GPATCH2: variants seen among roughly 807,000 people sequenced by gnomAD.
GPATCH2 encodes the protein G patch domain-containing protein 2.
GPATCH2 carries 51 observed loss-of-function variants against 58.0 expected under a neutral mutation model. The ratio of observed to expected loss-of-function variants is 0.88; its 90% CI spans 0.70 to 1.11. GPATCH2 has a LOEUF of 1.11. GPATCH2 is among the 50% of genes most tolerant of loss of function. The probability of loss-of-function intolerance (pLI) is 0.00; values close to 1 mark genes in which losing one functional copy is unlikely to be tolerated. For missense variants in GPATCH2, 625 were observed against 652.2 expected (o/e 0.96, Z 0.45); for synonymous variants, 222 against 218.5 (o/e 1.02, Z -0.14).
chr1:217,445,361 C>G (rs1435965799), intron 9 of GPATCH2, among the ~76,000 whole-genome samples: 1 of 152,090 alleles, frequency 6.6e-6, no homozygotes, highest in African/African-American at 2.4e-5. Context: ...AATCTTTTTA[C>G]TATTAAATCC....
At chr1:217,618,287 G>A (rs1022391077) in intron 2 of GPATCH2, among the ~76,000 whole-genome samples, 1 of 141,744 alleles carries the variant, frequency 7.1e-6, no homozygotes, top group Non-Finnish European at 1.5e-5. Context: ...TTGGATGTCT[G>A]TAATCTCCGC....
At chr1:217,530,994 T>C (rs1664158710) in intron 5 of GPATCH2, among the ~76,000 whole-genome samples, 1 of 151,968 alleles carries the variant, frequency 6.6e-6, no homozygotes, top group South Asian at 2.1e-4. Flanking sequence ...TGGTATTCAG[T>C]TGTTGGAAGA....
intron 5 of GPATCH2, among the ~76,000 whole-genome samples, chr1:217,543,519 T>C (rs763131210): frequency 6.6e-6 from 1 of 152,162 alleles, no homozygotes; most frequent in South Asian, 2.1e-4. Flanking sequence ...TCTGCCCGTC[T>C]CGGCCTCCCA....
At chr1:217,497,195 G>A (rs536121198) in intron 7 of GPATCH2, among the ~76,000 whole-genome samples, 15 of 152,084 alleles carry the variant, frequency 9.9e-5, no homozygotes, top group Admixed American at 5.9e-4. Context: ...TACTAAAAGC[G>A]GAATATTATT....
chr1:217,470,424 T>C (rs145934543), intron 8 of GPATCH2, among the ~76,000 whole-genome samples: 23 of 152,322 alleles, frequency 1.5e-4, no homozygotes, highest in African/African-American at 5.5e-4. Flanking sequence ...TTTGTTTTTG[T>C]TTTATTTACC....
chr1:217,515,868 T>C (rs1177145410), intron 5 of GPATCH2, among the ~76,000 whole-genome samples: 2 of 151,358 alleles, frequency 1.3e-5, no homozygotes, highest in Non-Finnish European at 2.9e-5. Context: ...TGTAGCTAGA[T>C]CCTAAATATA....
At chr1:217,543,367 T>C (rs951879593) in intron 5 of GPATCH2, among the ~76,000 whole-genome samples, 1 of 151,240 alleles carries the variant, frequency 6.6e-6, no homozygotes, top group African/African-American at 2.4e-5. Flanking sequence ...CCTCCCAGGT[T>C]CACGCCATTC....
At chr1:217,519,946 T>C (rs1434368517) in intron 5 of GPATCH2, among the ~76,000 whole-genome samples, 1 of 152,246 alleles carries the variant, frequency 6.6e-6, no homozygotes, top group Non-Finnish European at 1.5e-5. Context: ...AGTCAAGTTA[T>C]AGAACTCCTC....
At chr1:217,521,826 G>T (rs1663476088) in intron 5 of GPATCH2, among the ~76,000 whole-genome samples, 1 of 152,132 alleles carries the variant, frequency 6.6e-6, no homozygotes, top group Non-Finnish European at 1.5e-5. Context: ...AAACCATAGA[G>T]AAGTACAAGG....
chr1:217,620,879 C>CCT (rs781199641), intron 1 of GPATCH2, among the ~76,000 whole-genome samples: 6 of 152,178 alleles, frequency 3.9e-5, no homozygotes, highest in Non-Finnish European at 8.8e-5. Flanking sequence ...TTCTCAGTCC[C>CCT]CTCTTCGCCC....
chr1:217,459,315 C>T lies in GPATCH2; in HGVS notation c.1278-9978G>A, dbSNP rs558233673. ...TAAATTACTATGCAATGTAATAAAT[C>T]CACAGGGCTATACTAGCAGACCACC... On this transcript the variant is annotated intron_variant, in intron 8 of 9. Transcript: ENST00000366935. Among the ~76,000 whole-genome samples the T allele has an allele frequency of 5.3e-5, 8 of 152,262 alleles. No homozygotes were observed. In the South Asian group the frequency reaches 1.7e-3, roughly 32 times the overall value.
At chr1:217,543,248 G>A (rs1002935538) in intron 5 of GPATCH2, among the ~76,000 whole-genome samples, 10 of 148,012 alleles carry the variant, frequency 6.8e-5, no homozygotes, top group Middle Eastern at 6.9e-3. Flanking sequence ...CTACATCATT[G>A]AAAAGCATGA....
At chr1:217,607,041 T>C (rs1443751137) in intron 5 of GPATCH2, among the ~76,000 whole-genome samples, 2 of 152,252 alleles carry the variant, frequency 1.3e-5, no homozygotes, top group Non-Finnish European at 2.9e-5. Context: ...TTCACAAAGG[T>C]CTGACTTCAA....
In GPATCH2 at chr1:217,530,886, T is replaced by C. The variant is rs141253597; in HGVS notation, c.1099-15997A>G. ...ATAAAACACAGAAGTATTTTAGCTA[T>C]AATAATCGTCTCTAAATTGAATGTT... On this transcript the variant is annotated intron_variant, in intron 5 of 9. Transcript: ENST00000366935. Among the ~76,000 whole-genome samples the C allele has an allele frequency of 1.1e-3, 160 of 152,300 alleles. 1 individual carries two copies. Among genetic ancestry groups the C allele is most frequent in the African/African-American group, 3.3e-3 (136 of 41,574 alleles).
intron 5 of GPATCH2, among the ~76,000 whole-genome samples, chr1:217,534,216 A>T (rs990916716): frequency 6.6e-6 from 1 of 152,158 alleles, no homozygotes; most frequent in African/African-American, 2.4e-5. Context: ...ACCCTGTCTC[A>T]AAAATAAATA....
intron 8 of GPATCH2, among the ~76,000 whole-genome samples, chr1:217,455,371 C>CT (rs1309340123): frequency 6.6e-6 from 1 of 152,174 alleles, no homozygotes; most frequent in Non-Finnish European, 1.5e-5. Context: ...GCTCCTATCC[C>CT]TGTTCACTGC....
At chr1:217,597,627 C>T (rs1397948754) in intron 5 of GPATCH2, among the ~76,000 whole-genome samples, 1 of 152,142 alleles carries the variant, frequency 6.6e-6, no homozygotes, top group Non-Finnish European at 1.5e-5. Flanking sequence ...CCACCAGAAG[C>T]TCAAAACTGA....
chr1:217,518,298 A>C (rs1486684494), intron 5 of GPATCH2, among the ~76,000 whole-genome samples: 1 of 152,198 alleles, frequency 6.6e-6, no homozygotes, highest in Non-Finnish European at 1.5e-5. Context: ...TAGTTGTACA[A>C]GTACCACTAT....
intron 5 of GPATCH2, among the ~76,000 whole-genome samples, chr1:217,555,649 C>G (rs142052920): frequency 1.3e-5 from 2 of 152,288 alleles, no homozygotes; most frequent in Non-Finnish European, 2.9e-5. Flanking sequence ...AGCAACATCT[C>G]AACCAAGTAT....
Sources: gnomAD v4.1 joint callset for allele counts (sites outside exome capture counted in the v4.1 genomes callset) on GRCh38, gnomAD v4.1.1 for gene constraint, MANE v1.5 for transcripts, NCBI Gene and HGNC (gene_info 2026-07-23, HGNC 2026-07-21) for gene names.